Variants in NVL observed in about 807,000 individuals in gnomAD.
NVL encodes the protein nuclear valosin-containing protein-like.
A neutral mutation model predicts 110.2 loss-of-function variants in NVL; 84 were observed. That is an observed-to-expected ratio of 0.76 (90% CI 0.64 to 0.91). The LOEUF is 0.91. NVL is among the 40% of genes least tolerant of loss of function. NVL has a pLI of 0.00. For missense variants in NVL, 882 were observed against 1,035.9 expected (o/e 0.85, Z 2.04); for synonymous variants, 354 against 361.1 (o/e 0.98, Z 0.22).
At chr1:224,276,653 G>A (rs1665790329) in intron 16 of NVL, among the ~76,000 whole-genome samples, 1 of 152,014 alleles carries the variant, frequency 6.6e-6, no homozygotes, top group Non-Finnish European at 1.5e-5. Context: ...TTTTTCATTT[G>A]ACTAGAACTT....
At chr1:224,233,368 A>G (rs975518945) in intron 20 of NVL, 79 bp from the exon 21 acceptor site, 5 of 1,005,332 alleles carry the variant, frequency 5.0e-6, no homozygotes, top group African/African-American at 4.9e-5. Context: ...CAGTTTTCAT[A>G]TAAGTCATAT....
chr1:224,328,932 G>A (rs1671412919), intron 1 of NVL, among the ~76,000 whole-genome samples: 1 of 152,108 alleles, frequency 6.6e-6, no homozygotes, highest in Admixed American at 6.6e-5. Context: ...AGAGGCCAGT[G>A]CAGCAGCTTG....
chr1:224,288,145 G>T, intron 13 of NVL, 152 bp from the exon 14 acceptor site: 1 of 617,182 alleles, frequency 1.6e-6, no homozygotes, highest in Non-Finnish European at 2.8e-6. Flanking sequence ...TCTGACATGA[G>T]ACAAGTTCAT....
chr1:224,251,901 CCT>C (rs541330263), intron 18 of NVL, among the ~76,000 whole-genome samples: 1 of 152,166 alleles, frequency 6.6e-6, no homozygotes, highest in African/African-American at 2.4e-5. Context: ...CTCTAGACTT[CCT>C]CTCTCTGGGC....
At chr1:224,266,806 A>G (rs1387841359) in intron 18 of NVL, among the ~76,000 whole-genome samples, 1 of 152,194 alleles carries the variant, frequency 6.6e-6, no homozygotes, top group African/African-American at 2.4e-5. Flanking sequence ...ACATGATAAC[A>G]ATTACTAAAT....
At chr1:224,268,962 G>C (rs994363512) in intron 17 of NVL, among the ~76,000 whole-genome samples, 1 of 151,260 alleles carries the variant, frequency 6.6e-6, no homozygotes, top group African/African-American at 2.4e-5. Context: ...CCCGGCCCTA[G>C]ACTAAGCTTT....
Position 224,308,066 on chromosome 1 carries a change from A to C in NVL, c.540T>G (p.Ser180Arg), listed in dbSNP as rs377757688. The C allele has an allele frequency of 6.2e-7, 1 of 1,605,902 alleles. No individual in the cohort carries two copies. The change falls in exon 6 of 23, where the codon AGT becomes AGG. Residue 180 changes from serine (S) to arginine (R), a missense_variant. Coordinates refer to ENST00000281701, the MANE Select transcript of NVL (RefSeq NM_002533.4). ...EGGWFIDKTPSVKKDSFFLDL... is the reference protein window; with the variant it reads ...EGGWFIDKTPRVKKDSFFLDL... ...CCAAGAAAAAACTGTCTTTCTTTAC[A>C]CTTGGGGTTTTGTCAATAAACCATC... is the stretch of plus-strand genomic sequence containing the variant.
chr1:224,301,787 A>G (rs1238134124), intron 9 of NVL: 2 of 140,562 alleles, frequency 1.4e-5, no homozygotes, highest in Non-Finnish European at 3.0e-5. Flanking sequence ...CAACAGAGAG[A>G]AAATCTGTTT....
intron 2 of NVL, among the ~76,000 whole-genome samples, chr1:224,323,823 T>C (rs1670890620): frequency 6.6e-6 from 1 of 152,196 alleles, no homozygotes; most frequent in African/African-American, 2.4e-5. Flanking sequence ...AAGAGGATTA[T>C]TCTAACATCT....
chr1:224,253,884 G>A (rs1412143283), intron 18 of NVL, among the ~76,000 whole-genome samples: 1 of 151,946 alleles, frequency 6.6e-6, no homozygotes, highest in East Asian at 1.9e-4. Context: ...CAATCTTTTA[G>A]TTATTCTAAG....
intron 20 of NVL, 110 bp downstream of exon 20, chr1:224,236,396 C>T: frequency 1.3e-6 from 1 of 791,504 alleles, no homozygotes; most frequent in South Asian, 1.5e-5. Flanking sequence ...CATGGGATAC[C>T]TCATTTAATC....
chr1:224,247,699 C>T (rs1662016326), intron 19 of NVL, among the ~76,000 whole-genome samples: 1 of 151,722 alleles, frequency 6.6e-6, no homozygotes, highest in South Asian at 2.1e-4. Flanking sequence ...CTTGTAGAGA[C>T]AGGGTCTCAC....
At chr1:224,265,497 C>CT (rs1664411882) in intron 18 of NVL, among the ~76,000 whole-genome samples, 1 of 152,046 alleles carries the variant, frequency 6.6e-6, no homozygotes, top group Non-Finnish European at 1.5e-5. Context: ...GACCAAGACT[C>CT]TGTCTCAAAA....
intron 4 of NVL, among the ~76,000 whole-genome samples, chr1:224,316,945 C>A (rs10753463): frequency 0.86 from 130,619 of 151,996 alleles, 57,540 homozygotes; most frequent in Non-Finnish European, 0.94. Context: ...CGAGACCAGC[C>A]TGGCCAACAT....
At position 224,296,499 on chromosome 1, in the gene NVL, AC is replaced by A. The variant is rs1286000855; in HGVS notation, c.1180+1del. 1 of 1,478,164 alleles carries A rather than the reference AC, an allele frequency of 6.8e-7. No homozygotes were observed. Among genetic ancestry groups the A allele is most frequent in the Non-Finnish European group, 9.2e-7 (1 of 1,087,830 alleles). 91.6% of individuals were successfully genotyped at this position (1,478,164 alleles called of 1,614,324 possible). A position where few individuals can be genotyped will look rare whatever the true frequency, so the allele number is the denominator to read the frequency against. On this transcript the variant is annotated splice_donor_variant, in intron 11 of 22. Transcript: ENST00000281701. LOFTEE classifies it high-confidence loss of function. ...AAAATGAATTTATTATTTTAAACTA[AC>A]CATCCATGCAGGTTAGGAGTTGGGC...
chr1:224,307,747 C>G (rs1049835959), intron 6 of NVL, among the ~76,000 whole-genome samples: 4 of 135,220 alleles, frequency 3.0e-5, no homozygotes, highest in Non-Finnish European at 6.4e-5. Context: ...AAAGAATAAA[C>G]TAGGGGAACA....
At chr1:224,314,698 C>CT (rs1208828093) in intron 4 of NVL, among the ~76,000 whole-genome samples, 2 of 152,150 alleles carry the variant, frequency 1.3e-5, no homozygotes, top group African/African-American at 2.4e-5. Flanking sequence ...CAAAAGAACA[C>CT]TTTCCCACTA....
At chr1:224,271,162 C>T (rs1558284004) in intron 17 of NVL, among the ~76,000 whole-genome samples, 1 of 152,062 alleles carries the variant, frequency 6.6e-6, no homozygotes, top group Non-Finnish European at 1.5e-5. Context: ...TAAGTTATTA[C>T]GTACATGAGA....
At chr1:224,305,320 G>C (rs1668809585) in intron 6 of NVL, 154 bp from the exon 7 acceptor site, 3 of 689,690 alleles carry the variant, frequency 4.3e-6, no homozygotes, top group African/African-American at 1.8e-5. Flanking sequence ...CAAAGATGCT[G>C]TCTATTGTGA....
Sources: gnomAD v4.1 joint callset for allele counts (sites outside exome capture counted in the v4.1 genomes callset) on GRCh38, gnomAD v4.1.1 for gene constraint, MANE v1.5 for transcripts, NCBI Gene and HGNC (gene_info 2026-07-23, HGNC 2026-07-21) for gene names.